The following YEATS4 variants were observed in gnomAD, a reference collection of about 807,000 sequenced individuals.
The protein encoded by YEATS4 is YEATS domain containing 4.
A neutral mutation model predicts 30.1 loss-of-function variants in YEATS4; 17 were observed. The observed-to-expected ratio is 0.56, with a 90% confidence interval of 0.39 to 0.85. YEATS4 has a LOEUF of 0.85. Among genes scored for constraint, YEATS4 ranks in the 40% least tolerant of loss-of-function variants. The pLI is 0.00. For synonymous variants in YEATS4, 85 were observed against 87.5 expected (o/e 0.97, Z 0.16); for missense variants, 142 against 268.3 (o/e 0.53, Z 3.29).
chr12:69,416,129 T>C, the YEATS4 span, among the ~76,000 whole-genome samples: 48,925 of 152,014 alleles, frequency 0.32, 8,156 homozygotes, highest in East Asian at 0.57. Context: ...GAGTGGGAAC[T>C]GCTGTGCATT....
the YEATS4 span, among the ~76,000 whole-genome samples, chr12:69,416,795 G>GGT: frequency 2.0e-5 from 3 of 152,278 alleles, no homozygotes; most frequent in East Asian, 5.8e-4. Flanking sequence ...TTGGTCAGCC[G>GGT]GTGGCGGTGG....
chr12:69,376,033 A>T (rs571501804), intron 6 of YEATS4, among the ~76,000 whole-genome samples: 36 of 152,262 alleles, frequency 2.4e-4, no homozygotes, highest in African/African-American at 8.2e-4. Context: ...TCAACTCTTA[A>T]TAGCTTTTTT....
intron 2 of YEATS4, among the ~76,000 whole-genome samples, chr12:69,365,008 G>GA (rs1185688502): frequency 1.3e-5 from 2 of 151,766 alleles, no homozygotes; most frequent in Non-Finnish European, 2.9e-5. Flanking sequence ...TGTTTTAATG[G>GA]AAAAAAATCA....
At chr12:69,379,834 C>T (rs763210361) in intron 6 of YEATS4, among the ~76,000 whole-genome samples, 9 of 150,930 alleles carry the variant, frequency 6.0e-5, no homozygotes, top group East Asian at 1.9e-4. Flanking sequence ...AATAGCCTCT[C>T]TTCAAGCCCA....
At chr12:69,419,154 C>T in the YEATS4 span, among the ~76,000 whole-genome samples, 2 of 149,854 alleles carry the variant, frequency 1.3e-5, no homozygotes, top group Non-Finnish European at 3.0e-5. Flanking sequence ...TCTCAGTCAT[C>T]CTCCATGAAT....
the YEATS4 span, among the ~76,000 whole-genome samples, chr12:69,419,216 T>C: frequency 8.1e-6 from 1 of 122,814 alleles, no homozygotes; most frequent in Admixed American, 8.3e-5. Context: ...CCTATTTTAC[T>C]TTTTTTTTTT....
intron 4 of YEATS4, among the ~76,000 whole-genome samples, chr12:69,369,662 A>G (rs1183993449): frequency 6.6e-6 from 1 of 152,174 alleles, no homozygotes; most frequent in Non-Finnish European, 1.5e-5. Flanking sequence ...TGGTAGACTC[A>G]TCTGCTTTCT....
intron 4 of YEATS4, 102 bp from the exon 5 acceptor site, chr12:69,370,603 CA>C: frequency 1.2e-6 from 1 of 867,246 alleles, no homozygotes; most frequent in East Asian, 3.1e-5. Context: ...ATGAATTTGA[CA>C]TGTATATACT....
the YEATS4 span, among the ~76,000 whole-genome samples, chr12:69,399,889 T>C: frequency 6.6e-6 from 1 of 152,188 alleles, no homozygotes; most frequent in Non-Finnish European, 1.5e-5. Context: ...GGCCACCTAC[T>C]GTATGACTCC....
chr12:69,362,786 A>G lies in YEATS4; in HGVS notation c.52-2A>G. The G allele has an allele frequency of 6.3e-7, 1 of 1,595,780 alleles. No homozygotes were observed. The highest frequency in any genetic ancestry group is 8.5e-7 in the Non-Finnish European group (1 of 1,169,896). ...TTTATTTTAAAATTATTTTTCTTTT[A>G]GGGTGTTACTATCGTTAAACCAATA... On this transcript the variant is annotated splice_acceptor_variant, in intron 1 of 6. Coordinates refer to ENST00000247843, the MANE Select transcript of YEATS4 (RefSeq NM_006530.4). LOFTEE classifies it high-confidence loss of function.
chr12:69,407,617 C>T, the YEATS4 span, among the ~76,000 whole-genome samples: 1 of 150,304 alleles, frequency 6.7e-6, no homozygotes, highest in Non-Finnish European at 1.5e-5. Context: ...TATTGTGAAC[C>T]ATAGCACTGA....
At chr12:69,415,300 T>A in the YEATS4 span, among the ~76,000 whole-genome samples, 1 of 152,134 alleles carries the variant, frequency 6.6e-6, no homozygotes, top group Non-Finnish European at 1.5e-5. Context: ...TGGGGCCAAG[T>A]GTGGAGGCTC....
chr12:69,397,847 G>A, the YEATS4 span, among the ~76,000 whole-genome samples: 1 of 152,090 alleles, frequency 6.6e-6, no homozygotes, highest in Non-Finnish European at 1.5e-5. Context: ...CCCACAACTT[G>A]ATCTCAGACT....
chr12:69,385,999 C>G (rs1367298871), intron 6 of YEATS4, among the ~76,000 whole-genome samples: 4 of 152,206 alleles, frequency 2.6e-5, no homozygotes, highest in Admixed American at 2.0e-4. Context: ...TGTCTCCTAA[C>G]CAGTATGCTG....
At chr12:69,385,880 A>G (rs1235444019) in intron 6 of YEATS4, among the ~76,000 whole-genome samples, 1 of 152,210 alleles carries the variant, frequency 6.6e-6, no homozygotes, top group Non-Finnish European at 1.5e-5. Flanking sequence ...TTTTGTAGGT[A>G]AAAGCTCTAG....
chr12:69,422,630 C>CAAAAAAAA, the YEATS4 span: 2 of 40,488 alleles, frequency 4.9e-5, no homozygotes, highest in Non-Finnish European at 9.3e-5. Flanking sequence ...GACCCTGTCT[C>CAAAAAAAA]AAAAAAAAAA....
the YEATS4 span, among the ~76,000 whole-genome samples, chr12:69,424,973 G>T: frequency 6.6e-6 from 1 of 152,120 alleles, no homozygotes; most frequent in Admixed American, 6.5e-5. Context: ...AGGCTGGAGT[G>T]CAATGGCTCG....
chr12:69,392,976 TTAA>T (rs1413242434), downstream of YEATS4, among the ~76,000 whole-genome samples: 1 of 152,230 alleles, frequency 6.6e-6, no homozygotes, highest in East Asian at 1.9e-4. Context: ...TTGCTAGCCA[TTAA>T]TAACATGTAA....
At chr12:69,391,538 G>A (rs1179633633), downstream of YEATS4, among the ~76,000 whole-genome samples, 1 of 152,166 alleles carries the variant, frequency 6.6e-6, no homozygotes, top group Non-Finnish European at 1.5e-5. Context: ...TGTCTGCCCT[G>A]ATGGATTGGT....
Sources: allele counts gnomAD v4.1 joint callset (sites outside exome capture counted in the v4.1 genomes callset), GRCh38; gene constraint gnomAD v4.1.1; transcripts MANE v1.5; gene names NCBI Gene and HGNC (gene_info 2026-07-23, HGNC 2026-07-21).